The following BRWD3 variants were observed in gnomAD, a reference collection of about 807,000 sequenced individuals.
BRWD3 encodes the protein bromodomain and WD repeat domain containing 3, also known as bromodomain and WD repeat-containing protein 3.
In BRWD3, 10 loss-of-function variants were observed where a neutral mutation model predicts 149.7. The ratio of observed to expected loss-of-function variants is 0.07; its 90% CI spans 0.04 to 0.11. BRWD3 has a LOEUF of 0.11. Among genes scored for constraint, BRWD3 ranks in the 10% least tolerant of loss-of-function variants. The pLI, the probability that BRWD3 is intolerant of heterozygous loss-of-function variation, is 1.00. For missense variants in BRWD3, 940 were observed against 1,373.2 expected, an observed-to-expected ratio of 0.68 and a Z score of 4.99; for synonymous variants, 504 against 456.7, an observed-to-expected ratio of 1.10 and a Z score of -1.32.
rs2072367299 is a variant in BRWD3, at chrX:80,676,375, G to A, written c.*234C>T. ...TGTGTGTATGTGTGTGTATGTGTTT[G>A]TGTGTGTGTGGGCAGAATTTCTTTT... On this transcript the variant is annotated 3_prime_UTR_variant, in exon 41 of 41. Transcript: ENST00000373275. 1 of 407,411 alleles carries A rather than the reference G, an allele frequency of 2.5e-6. No individual in the cohort carries two copies. The highest frequency in any genetic ancestry group is 4.1e-5 in the East Asian group (1 of 24,451). 33.6% of individuals were successfully genotyped at this position (407,411 alleles called of 1,213,427 possible).
intron 6 of BRWD3, among the ~76,000 whole-genome samples, chrX:80,759,811 T>G (rs2073784084): frequency 9.0e-6 from 1 of 111,480 alleles, no homozygotes; most frequent in South Asian, 3.8e-4. Context: ...ATTAGTTTGA[T>G]CTGGGTATCC....
intron 8 of BRWD3, among the ~76,000 whole-genome samples, chrX:80,741,634 T>G (rs1478375181): frequency 8.9e-6 from 1 of 112,128 alleles, no homozygotes; most frequent in African/African-American, 3.2e-5. Flanking sequence ...TCACTGTGGT[T>G]TTGATTTGCA....
chrX:80,762,452 T>C (rs779548263), intron 6 of BRWD3, among the ~76,000 whole-genome samples: 1 of 111,058 alleles, frequency 9.0e-6, no homozygotes, highest in Non-Finnish European at 1.9e-5. Flanking sequence ...CAGCAATGTT[T>C]ATCTCCCACC....
Position 80,691,861 on chromosome X carries a change from T to C in BRWD3, c.3443A>G (p.Glu1148Gly), listed in dbSNP as rs754093398. 8.3e-7 allele frequency: 1 copy of C among 1,211,002 alleles called. No homozygotes were observed. Among genetic ancestry groups the C allele is most frequent in the East Asian group, 3.0e-5 (1 of 33,809 alleles). ...GTGGTTGATGCCCTGAATAACCCGT[T>C]CACATTCTTCGTCTCTGGAATGAGC... Reference protein sequence around the residue: ...WGAHSRDEECERVIQGINHLL... With the variant: ...WGAHSRDEECGRVIQGINHLL... Residue 1148 changes from glutamate to glycine, a missense_variant, in exon 30 of 41, where the codon GAA (glutamate) becomes GGA (glycine). Glu to Gly is a moderately conservative substitution (Grantham distance 98). Transcript: ENST00000373275.
At chrX:80,804,301 G>A (rs1478068404) in intron 4 of BRWD3, among the ~76,000 whole-genome samples, 2 of 108,257 alleles carry the variant, frequency 1.8e-5, no homozygotes, top group Admixed American at 9.9e-5. Flanking sequence ...GCAGTGGTGC[G>A]ATTCCAGCTC....
intron 6 of BRWD3, chrX:80,746,980 T>G (rs1022109026): frequency 3.1e-5 from 6 of 194,941 alleles, no homozygotes; most frequent in African/African-American, 1.9e-4. Context: ...TATGTAATAC[T>G]GCAAGATGCT....
intron 39 of BRWD3, 151 bp downstream of exon 39, chrX:80,681,846 C>T (rs2072452239): frequency 9.4e-6 from 5 of 530,906 alleles, no homozygotes; most frequent in South Asian, 5.7e-5. Context: ...CTCAGGGACA[C>T]AAAACTAGCA....
intron 6 of BRWD3, among the ~76,000 whole-genome samples, chrX:80,768,831 G>C (rs1012390902): frequency 5.5e-5 from 6 of 109,648 alleles, no homozygotes; most frequent in Middle Eastern, 4.8e-3. Context: ...GTATTCAGGA[G>C]ACCCAACTCA....
At chrX:80,771,176 C>A (rs1961979449) in intron 6 of BRWD3, among the ~76,000 whole-genome samples, 1 of 111,416 alleles carries the variant, frequency 9.0e-6, no homozygotes, top group Admixed American at 9.6e-5. Flanking sequence ...CCCTACTGCC[C>A]AAGGTAATTT....
chrX:80,798,623 G>C (rs1385326434), intron 4 of BRWD3, among the ~76,000 whole-genome samples: 2 of 101,525 alleles, frequency 2.0e-5, no homozygotes, highest in East Asian at 6.5e-4. Flanking sequence ...GTATAATACG[G>C]GGAAAAAAAA....
At chrX:80,738,139 C>A (rs1009001454) in intron 8 of BRWD3, among the ~76,000 whole-genome samples, 1 of 112,149 alleles carries the variant, frequency 8.9e-6, no homozygotes, top group Non-Finnish European at 1.9e-5. Flanking sequence ...ATATTGAAAC[C>A]TTTATCTCCA....
chrX:80,684,699 T>C (rs1022381550), intron 36 of BRWD3, among the ~76,000 whole-genome samples: 2 of 111,517 alleles, frequency 1.8e-5, no homozygotes, highest in Non-Finnish European at 3.8e-5. Flanking sequence ...TCTTCCATCT[T>C]ATAGGTCCAT....
chrX:80,757,949 C>T (rs1351994264), intron 6 of BRWD3, among the ~76,000 whole-genome samples: 1 of 112,006 alleles, frequency 8.9e-6, no homozygotes, highest in Admixed American at 9.5e-5. Context: ...GCCTGTAATC[C>T]CAGCACTTTG....
intron 31 of BRWD3, 98 bp downstream of exon 31, chrX:80,690,955 G>T: frequency 2.0e-6 from 2 of 1,006,474 alleles, no homozygotes; most frequent in African/African-American, 1.9e-5. Context: ...TGGGTCTTTT[G>T]GATGATCATG....
chrX:80,777,062 T>C (rs777493502), intron 6 of BRWD3, among the ~76,000 whole-genome samples: 1 of 105,672 alleles, frequency 9.5e-6, no homozygotes, highest in East Asian at 3.0e-4. Flanking sequence ...CTTAGTTGAT[T>C]ATGCTTAAAC....
At chrX:80,712,411 G>A (rs1407035287) in intron 20 of BRWD3, among the ~76,000 whole-genome samples, 10 of 109,478 alleles carry the variant, frequency 9.1e-5, no homozygotes, top group Non-Finnish European at 1.9e-4. Flanking sequence ...TCGGCCTCCC[G>A]AGGTGCCGGG....
chrX:80,716,367 C>T, intron 19 of BRWD3, 117 bp from the exon 20 acceptor site: 1 of 583,988 alleles, frequency 1.7e-6, no homozygotes, highest in South Asian at 2.7e-5. Flanking sequence ...TATTTTTAAG[C>T]ATATAATTCA....
At chrX:80,781,410 T>C (rs1174391072) in intron 6 of BRWD3, among the ~76,000 whole-genome samples, 1 of 110,969 alleles carries the variant, frequency 9.0e-6, no homozygotes, top group East Asian at 2.8e-4. Flanking sequence ...TGCAAGCCCC[T>C]TGTTTAAAGG....
intron 17 of BRWD3, among the ~76,000 whole-genome samples, chrX:80,720,564 CAAACAAAA>C (rs1412221282): frequency 4.6e-5 from 5 of 107,639 alleles, no homozygotes; most frequent in Admixed American, 9.9e-5. Flanking sequence ...AACAAACAAA[CAAACAAAA>C]AACCAAAAAA....
Sources: allele counts gnomAD v4.1 joint callset (sites outside exome capture counted in the v4.1 genomes callset), GRCh38; gene constraint gnomAD v4.1.1; transcripts MANE v1.5; gene names NCBI Gene and HGNC (gene_info 2026-07-23, HGNC 2026-07-21).